The following GRIA1 variants were observed in gnomAD, a reference collection of about 807,000 sequenced individuals.
The protein encoded by GRIA1 is glutamate ionotropic receptor AMPA type subunit 1, also known as glutamate receptor 1.
A neutral mutation model predicts 99.2 loss-of-function variants in GRIA1; 31 were observed. That is an observed-to-expected ratio of 0.31 (90% CI 0.23 to 0.42). The LOEUF is 0.42. Among genes scored for constraint, GRIA1 ranks in the 10% least tolerant of loss-of-function variants. The pLI, the probability that GRIA1 is intolerant of heterozygous loss-of-function variation, is 1.00. For missense variants in GRIA1, 782 were observed against 1,157.5 expected (o/e 0.68, Z 4.71); for synonymous variants, 438 against 432.4 (o/e 1.01, Z -0.16).
chr5:153,709,774 C>A (rs1296036202), intron 11 of GRIA1, among the ~76,000 whole-genome samples: 1 of 152,202 alleles, frequency 6.6e-6, no homozygotes, highest in Non-Finnish European at 1.5e-5. Flanking sequence ...ATACTCTCCA[C>A]CCCACACAGA....
chr5:153,572,200 A>G (rs1762169880), intron 2 of GRIA1, among the ~76,000 whole-genome samples: 1 of 152,162 alleles, frequency 6.6e-6, no homozygotes, highest in African/African-American at 2.4e-5. Flanking sequence ...ATTCACTTCC[A>G]TTGTCAACTA....
In GRIA1 at chr5:153,801,956, G is replaced by GT. The variant is rs1442635874; in HGVS notation, c.2386-400_2386-399insT. On this transcript the variant is annotated intron_variant, in intron 14 of 15. Coordinates refer to ENST00000285900, the MANE Select transcript of GRIA1 (RefSeq NM_000827.4). ...AAGCAACAGAGGAAATTGGGGCGGG[G>GT]GGGGGCGGGGGGCAGGAATGGAGCT... is the stretch of plus-strand genomic sequence containing the variant. Among the ~76,000 whole-genome samples the GT allele has an allele frequency of 4.1e-5, 6 of 146,174 alleles. 1 individual carries two copies. The South Asian group carries it at 1.1e-3, about 28-fold the overall frequency.
intron 2 of GRIA1, among the ~76,000 whole-genome samples, chr5:153,536,116 A>G (rs1561620719): frequency 6.6e-6 from 1 of 151,910 alleles, no homozygotes; most frequent in Admixed American, 6.6e-5. Flanking sequence ...TCCCATCTCA[A>G]TTGTCCTTCC....
At chr5:153,686,598 A>C (rs1174923837) in intron 8 of GRIA1, among the ~76,000 whole-genome samples, 1 of 152,226 alleles carries the variant, frequency 6.6e-6, no homozygotes, top group African/African-American at 2.4e-5. Context: ...TCCAAGGTAG[A>C]GGAAAGCACT....
chr5:153,586,516 T>G (rs140440373), intron 2 of GRIA1, among the ~76,000 whole-genome samples: 79 of 152,294 alleles, frequency 5.2e-4, no homozygotes, highest in African/African-American at 1.9e-3. Flanking sequence ...CCAAGTTATA[T>G]GAATTTAACA....
At chr5:153,533,919 C>T (rs1448977335) in intron 2 of GRIA1, among the ~76,000 whole-genome samples, 1 of 152,156 alleles carries the variant, frequency 6.6e-6, no homozygotes, top group Non-Finnish European at 1.5e-5. Context: ...AATAACTCAC[C>T]CATGGTCACC....
At chr5:153,747,029 T>C (rs1011746828) in intron 11 of GRIA1, among the ~76,000 whole-genome samples, 1 of 152,226 alleles carries the variant, frequency 6.6e-6, no homozygotes, top group African/African-American at 2.4e-5. Context: ...TTATTCACTC[T>C]GAATCTGTTT....
In GRIA1 at chr5:153,615,588, G is replaced by C. The variant is rs143001663; in HGVS notation, c.221-31340G>C. Among the ~76,000 whole-genome samples, 84 of 152,298 alleles carry C rather than the reference G, an allele frequency of 5.5e-4. No homozygotes were observed. The East Asian group carries it at 0.013, about 24-fold the overall frequency. On this transcript the variant is annotated intron_variant, in intron 2 of 15. Coordinates refer to ENST00000285900, the MANE Select transcript of GRIA1 (RefSeq NM_000827.4). Reference sequence around the variant, plus strand: ...GAGCCCAGGCGGTCGAGGCTGCAGTGAGCTATGATTGCACCTCTACATACC... The same window carrying C: ...GAGCCCAGGCGGTCGAGGCTGCAGTCAGCTATGATTGCACCTCTACATACC...
At chr5:153,691,810 C>G (rs1757783198) in intron 8 of GRIA1, among the ~76,000 whole-genome samples, 1 of 152,174 alleles carries the variant, frequency 6.6e-6, no homozygotes, top group African/African-American at 2.4e-5. Flanking sequence ...CCTTACCAGT[C>G]ACGAGTCCTG....
chr5:153,705,925 A>T lies in GRIA1; in HGVS notation c.1681A>T (p.Ser561Cys). Residue 561 changes from serine (S) to cysteine (C), a missense_variant, in exon 11 of 16, where the codon AGT becomes TGT. Around this residue, in one of 5 missense-constraint regions of GRIA1, gnomAD observed 39 missense variants for 43.5 expected, o/e 0.90. Transcript: ENST00000285900. ...SVVLFLVSRF[S>C]PYEWHSEEFE... ...TGTCCTCTTCCTGGTCAGCCGCTTC[A>T]GTCCCTATGAATGGCACAGTGAAGA... 6.2e-7 allele frequency: 1 copy of T among 1,613,976 alleles called. No individual in the cohort carries two copies. The highest frequency in any genetic ancestry group is 8.5e-7 in the Non-Finnish European group (1 of 1,179,996).
chr5:153,626,444 CTGTGTGTGTGTGTGTGTG>C (rs3036985), intron 2 of GRIA1, among the ~76,000 whole-genome samples: 8 of 142,342 alleles, frequency 5.6e-5, no homozygotes, highest in Non-Finnish European at 3.1e-5. Context: ...GTGTGTGTGT[CTGTGTGTGTGTGTGTGTG>C]TGTGTGTGTG....
intron 11 of GRIA1, among the ~76,000 whole-genome samples, chr5:153,754,994 T>C (rs1762734501): frequency 6.6e-6 from 1 of 152,180 alleles, no homozygotes; most frequent in Admixed American, 6.5e-5. Context: ...GGATGAGGTC[T>C]GAAGGATGAA....
intron 13 of GRIA1, among the ~76,000 whole-genome samples, chr5:153,789,035 G>T (rs1267460671): frequency 6.6e-6 from 1 of 152,118 alleles, no homozygotes; most frequent in Non-Finnish European, 1.5e-5. Flanking sequence ...GGAACCCATA[G>T]TATAATTTTC....
chr5:153,706,319 T>G (rs559692980), intron 11 of GRIA1: 3 of 516,938 alleles, frequency 5.8e-6, no homozygotes, highest in East Asian at 6.9e-5. Context: ...TAATTATGAC[T>G]GATGCGTTGT....
chr5:153,566,959 C>A (rs1056374362), intron 2 of GRIA1, among the ~76,000 whole-genome samples: 7 of 151,112 alleles, frequency 4.6e-5, no homozygotes, highest in African/African-American at 1.5e-4. Flanking sequence ...TCGGGTGATC[C>A]ACCCGCCTCG....
At chr5:153,752,673 A>G (rs965910892) in intron 11 of GRIA1, among the ~76,000 whole-genome samples, 1 of 152,232 alleles carries the variant, frequency 6.6e-6, no homozygotes, top group East Asian at 1.9e-4. Context: ...AGTGACCAGC[A>G]GTGTCTGCCA....
At chr5:153,764,076 G>A (rs965248938) in intron 11 of GRIA1, among the ~76,000 whole-genome samples, 1 of 152,176 alleles carries the variant, frequency 6.6e-6, no homozygotes, top group Non-Finnish European at 1.5e-5. Context: ...CAAAACATTT[G>A]CTGTGTATGT....
Position 153,729,150 on chromosome 5 carries a change from C to T in GRIA1, c.1823+23083C>T, listed in dbSNP as rs200128696. Among the ~76,000 whole-genome samples, 10 of 150,290 alleles carry T rather than the reference C, an allele frequency of 6.7e-5. No individual in the cohort carries two copies. In the East Asian group the frequency reaches 8.0e-4, roughly 12 times the overall value. On this transcript the variant is annotated intron_variant, in intron 11 of 15. Coordinates refer to ENST00000285900, the MANE Select transcript of GRIA1 (RefSeq NM_000827.4). ...ATCACAAGAACAAAAAACCAAACAC[C>T]GCATATTCTCACTCATAGGTGGGAA...
intron 2 of GRIA1, among the ~76,000 whole-genome samples, chr5:153,623,941 C>T (rs1379127362): frequency 2.0e-5 from 3 of 149,288 alleles, no homozygotes; most frequent in Admixed American, 2.0e-4. Flanking sequence ...GTTGTTTCTG[C>T]AGCACATTTG....
Sources: allele counts gnomAD v4.1 joint callset (sites outside exome capture counted in the v4.1 genomes callset), GRCh38; gene constraint gnomAD v4.1.1; regional missense constraint gnomAD v4.1.1; transcripts MANE v1.5; gene names NCBI Gene and HGNC (gene_info 2026-07-23, HGNC 2026-07-21).